The following CABLES1 variants were observed in gnomAD, a reference collection of about 807,000 sequenced individuals.
CABLES1 encodes the protein CDK5 and ABL1 enzyme substrate 1.
In CABLES1, 36 loss-of-function variants were observed where a neutral mutation model predicts 57.8. The ratio of observed to expected loss-of-function variants is 0.62; its 90% CI spans 0.48 to 0.82. CABLES1 has a LOEUF of 0.82. CABLES1 is among the 40% of genes least tolerant of loss of function. The pLI is 0.00. For synonymous variants in CABLES1, 374 were observed against 363.0 expected (o/e 1.03, Z -0.35); for missense variants, 767 against 836.6 (o/e 0.92, Z 1.03).
chr18:23,210,362 G>A (rs1464523586), intron 3 of CABLES1, among the ~76,000 whole-genome samples: 2 of 152,188 alleles, frequency 1.3e-5, no homozygotes, highest in Non-Finnish European at 2.9e-5. Flanking sequence ...TGTAAGAGAA[G>A]AGAACCGCCG....
chr18:23,146,727 C>T (rs2046893671), intron 1 of CABLES1, among the ~76,000 whole-genome samples: 1 of 149,516 alleles, frequency 6.7e-6, no homozygotes, highest in Non-Finnish European at 1.5e-5. Flanking sequence ...TTCAGAAAGG[C>T]AATGTGGTAG....
chr18:23,234,861 G>T (rs1415700448), intron 5 of CABLES1, among the ~76,000 whole-genome samples, 157 bp downstream of exon 5: 9 of 152,234 alleles, frequency 5.9e-5, no homozygotes. Flanking sequence ...GGCTCCCCTA[G>T]TGTGCAGCCG....
chr18:23,255,514 G>A (rs1160309745), intron 9 of CABLES1, among the ~76,000 whole-genome samples: 1 of 151,928 alleles, frequency 6.6e-6, no homozygotes, highest in Non-Finnish European at 1.5e-5. Context: ...CCAACTCTGA[G>A]CTGAGAATCA....
In CABLES1 at chr18:23,189,969, G is replaced by A. The variant is rs538785622; in HGVS notation, c.917+1060G>A. Among the ~76,000 whole-genome samples, 6 of 152,360 alleles carry A rather than the reference G, an allele frequency of 3.9e-5. No individual in the cohort carries two copies. In the South Asian group the frequency reaches 1.2e-3, roughly 32 times the overall value. ...TTTGTCACTGACATCATCCCAAAGA[G>A]AAAGGGCTGAATAGTCCCATCTCCA... is the stretch of plus-strand genomic sequence containing the variant. On this transcript the variant is annotated intron_variant, in intron 2 of 9. Coordinates refer to ENST00000256925, the MANE Select transcript of CABLES1 (RefSeq NM_001100619.3).
At chr18:23,174,759 C>A in intron 1 of CABLES1, among the ~76,000 whole-genome samples, 1 of 147,718 alleles carries the variant, frequency 6.8e-6, no homozygotes, top group Non-Finnish European at 1.5e-5. Context: ...GGTGTGAGCC[C>A]ACCGCGCCCG....
At chr18:23,178,355 A>G (rs1004061037) in intron 1 of CABLES1, among the ~76,000 whole-genome samples, 1 of 151,918 alleles carries the variant, frequency 6.6e-6, no homozygotes, top group South Asian at 2.1e-4. Flanking sequence ...CAGCACTGCC[A>G]CTGAGCCAGC....
At chr18:23,175,502 T>C (rs1018954187) in intron 1 of CABLES1, among the ~76,000 whole-genome samples, 30 of 152,174 alleles carry the variant, frequency 2.0e-4, no homozygotes, top group African/African-American at 7.2e-4. Context: ...TTTTTTGCAT[T>C]GCGTCTTACT....
At chr18:23,172,391 A>C (rs2047089266) in intron 1 of CABLES1, among the ~76,000 whole-genome samples, 1 of 152,170 alleles carries the variant, frequency 6.6e-6, no homozygotes, top group Admixed American at 6.5e-5. Context: ...GGACACTTAC[A>C]CACACCTTGC....
chr18:23,210,547 T>G (rs1352557530), intron 3 of CABLES1, among the ~76,000 whole-genome samples: 1 of 152,206 alleles, frequency 6.6e-6, no homozygotes, highest in Non-Finnish European at 1.5e-5. Context: ...CCCTAATGTT[T>G]ATAAAGAGAA....
At chr18:23,240,200 C>A (rs553999694) in intron 7 of CABLES1, among the ~76,000 whole-genome samples, 1 of 152,114 alleles carries the variant, frequency 6.6e-6, no homozygotes, top group Non-Finnish European at 1.5e-5. Flanking sequence ...AGGAAGACTT[C>A]CCCGAGGAAT....
At chr18:23,139,329 G>C (rs1222062233) in intron 1 of CABLES1, among the ~76,000 whole-genome samples, 1 of 150,746 alleles carries the variant, frequency 6.6e-6, no homozygotes, top group Non-Finnish European at 1.5e-5. Flanking sequence ...CTTGAACCCA[G>C]GAGGCGGAGG....
At chr18:23,247,747 G>T (rs1272310678) in intron 7 of CABLES1, among the ~76,000 whole-genome samples, 1 of 152,244 alleles carries the variant, frequency 6.6e-6, no homozygotes, top group East Asian at 1.9e-4. Context: ...GAGAAGCAGG[G>T]ACAAAAGCAA....
In CABLES1 at chr18:23,214,160, A is replaced by G. The variant is rs557976188; in HGVS notation, c.1088+106A>G. 52 of 717,560 alleles carry G rather than the reference A, an allele frequency of 7.2e-5. 1 individual carries two copies. The Admixed American group carries it at 1.3e-3, about 18-fold the overall frequency. 44.4% of individuals were successfully genotyped at this position (717,560 alleles called of 1,614,324 possible). A position where few individuals can be genotyped will look rare whatever the true frequency, so the allele number is the denominator to read the frequency against. On this transcript the variant is annotated intron_variant, in intron 4 of 9. Coordinates refer to ENST00000256925, the MANE Select transcript of CABLES1 (RefSeq NM_001100619.3). ...ATTTTCAAGAAGTTGCCTTGCTTTG[A>G]TACTGCAAATTCAGTATTTGTACAC...
chr18:23,182,290 T>C (rs1414082811), intron 1 of CABLES1, among the ~76,000 whole-genome samples: 1 of 152,232 alleles, frequency 6.6e-6, no homozygotes, highest in African/African-American at 2.4e-5. Flanking sequence ...CTCTTTCTTC[T>C]TGCTTGTTGA....
chr18:23,202,881 G>C (rs2047335625), intron 3 of CABLES1, among the ~76,000 whole-genome samples: 1 of 152,002 alleles, frequency 6.6e-6, no homozygotes, highest in South Asian at 2.1e-4. Context: ...CAGTTACTCG[G>C]GAGGCTGAGG....
intron 7 of CABLES1, among the ~76,000 whole-genome samples, chr18:23,242,142 G>GT (rs1434832122): frequency 1.3e-5 from 2 of 152,210 alleles, no homozygotes; most frequent in African/African-American, 4.8e-5. Context: ...GCCAGGTGTA[G>GT]TGGCAGGCGC....
chr18:23,234,616 AGTT>A lies in CABLES1; in HGVS notation c.1099_1101del (p.Leu367del). ...CTGACTTGTCCTCCCAGGGACTTGAAGTTGGACGGAGGAAGACAATCAACTGGT... is the reference window on the plus strand; with the variant it reads ...CTGACTTGTCCTCCCAGGGACTTGAAGGACGGAGGAAGACAATCAACTGGT... On this transcript the variant is annotated inframe_deletion, in exon 5 of 10. Coordinates refer to ENST00000256925, the MANE Select transcript of CABLES1 (RefSeq NM_001100619.3). 6.2e-7 allele frequency: 1 copy of A among 1,613,694 alleles called. No homozygotes were observed. Among genetic ancestry groups the A allele is most frequent in the Non-Finnish European group, 8.5e-7 (1 of 1,179,628 alleles).
intron 1 of CABLES1, among the ~76,000 whole-genome samples, chr18:23,143,125 C>T (rs1249225576): frequency 1.3e-5 from 2 of 152,168 alleles, no homozygotes; most frequent in East Asian, 3.9e-4. Flanking sequence ...TAAATGGCCT[C>T]AAGGGTTCCC....
intron 2 of CABLES1, among the ~76,000 whole-genome samples, chr18:23,193,729 A>G (rs933436782): frequency 9.2e-5 from 14 of 152,220 alleles, no homozygotes; most frequent in Non-Finnish European, 1.6e-4. Flanking sequence ...ACTACACACA[A>G]ATAAGGTCTC....
Sources: allele counts gnomAD v4.1 joint callset (sites outside exome capture counted in the v4.1 genomes callset), GRCh38; gene constraint gnomAD v4.1.1; transcripts MANE v1.5; gene names NCBI Gene and HGNC (gene_info 2026-07-23, HGNC 2026-07-21).